The following MCOLN3 variants were observed in gnomAD, a reference collection of about 807,000 sequenced individuals.
The protein encoded by MCOLN3 is mucolipin-3.
In MCOLN3, 62 loss-of-function variants were observed where a neutral mutation model predicts 69.4. That is an observed-to-expected ratio of 0.89 (90% CI 0.73 to 1.10). The LOEUF is 1.10. MCOLN3 is among the 50% of genes least tolerant of loss of function. The pLI is 0.00. For missense variants in MCOLN3, 564 were observed against 656.4 expected, an observed-to-expected ratio of 0.86 and a Z score of 1.54; for synonymous variants, 183 against 217.0, an observed-to-expected ratio of 0.84 and a Z score of 1.38.
At chr1:85,042,009 A>C (rs911574636) in intron 2 of MCOLN3, among the ~76,000 whole-genome samples, 1 of 151,634 alleles carries the variant, frequency 6.6e-6, no homozygotes, top group Non-Finnish European at 1.5e-5. Flanking sequence ...ACACACACAC[A>C]CCACATGCTG....
intron 6 of MCOLN3, among the ~76,000 whole-genome samples, chr1:85,031,683 C>T (rs932826828): frequency 6.6e-6 from 1 of 152,158 alleles, no homozygotes; most frequent in East Asian, 1.9e-4. Context: ...GGGAGCTACA[C>T]ACAGAATGAA....
intron 1 of MCOLN3, 33 bp from the exon 2 acceptor site, chr1:85,045,395 A>G: frequency 6.6e-7 from 1 of 1,517,766 alleles, no homozygotes; most frequent in Non-Finnish European, 9.0e-7. Flanking sequence ...ACAACAACCA[A>G]CATTTCCATT....
intron 1 of MCOLN3, 86 bp from the exon 2 acceptor site, chr1:85,045,448 G>A (rs926401655): frequency 1.9e-6 from 2 of 1,069,608 alleles, no homozygotes; most frequent in African/African-American, 1.6e-5. Context: ...ATATTGCAAG[G>A]AGAAGCCCAT....
chr1:85,028,009 T>C (rs1274278713), intron 7 of MCOLN3, among the ~76,000 whole-genome samples: 2 of 152,204 alleles, frequency 1.3e-5, no homozygotes, highest in Non-Finnish European at 2.9e-5. Flanking sequence ...ATGTCTAAAT[T>C]GACTTTAGAG....
At chr1:85,041,743 G>A (rs1340208063) in intron 2 of MCOLN3, among the ~76,000 whole-genome samples, 3 of 152,070 alleles carry the variant, frequency 2.0e-5, no homozygotes, top group East Asian at 1.9e-4. Flanking sequence ...GGTGGCGCAT[G>A]CCTGTAATCC....
At chr1:85,034,296 C>T (rs781145577) in intron 3 of MCOLN3, 45 bp from the exon 4 acceptor site, 4 of 1,608,728 alleles carry the variant, frequency 2.5e-6, no homozygotes, top group South Asian at 1.1e-5. Flanking sequence ...CCAGCCAGGG[C>T]AGGAGTGAAG....
At chr1:85,036,731 G>A (rs1005051565) in intron 3 of MCOLN3, 2 of 151,918 alleles carry the variant, frequency 1.3e-5, no homozygotes, top group African/African-American at 4.8e-5. Flanking sequence ...CAGCTTCAGG[G>A]CCTTCTGTTG....
At chr1:85,045,913 C>T (rs1489838692) in intron 1 of MCOLN3, among the ~76,000 whole-genome samples, 1 of 152,194 alleles carries the variant, frequency 6.6e-6, no homozygotes, top group East Asian at 1.9e-4. Context: ...CTTGACGTTT[C>T]TGCAATCTCA....
chr1:85,027,732 A>G (rs1289724242), intron 7 of MCOLN3, among the ~76,000 whole-genome samples: 2 of 152,200 alleles, frequency 1.3e-5, no homozygotes, highest in Non-Finnish European at 1.5e-5. Flanking sequence ...CTGAGGGAGC[A>G]GGGGGTTTTA....
chr1:85,028,408 G>T (rs1652327357), intron 7 of MCOLN3, among the ~76,000 whole-genome samples: 3 of 152,112 alleles, frequency 2.0e-5, no homozygotes, highest in Admixed American at 2.0e-4. Flanking sequence ...AGGTACCCAG[G>T]ATGATTCTTC....
intron 12 of MCOLN3, among the ~76,000 whole-genome samples, chr1:85,020,560 A>T (rs1256833214): frequency 6.6e-6 from 1 of 152,270 alleles, no homozygotes; most frequent in African/African-American, 2.4e-5. Context: ...GCTACATGCT[A>T]GTACTGGACC....
At chr1:85,043,092 C>T (rs1356043991) in intron 2 of MCOLN3, among the ~76,000 whole-genome samples, 11 of 152,138 alleles carry the variant, frequency 7.2e-5, no homozygotes, top group Admixed American at 7.2e-4. Context: ...GAACATAAAT[C>T]TTAGAGAAAA....
chr1:85,020,248 G>C (rs1571082848), intron 12 of MCOLN3, among the ~76,000 whole-genome samples: 1 of 152,164 alleles, frequency 6.6e-6, no homozygotes, highest in South Asian at 2.1e-4. Context: ...TGAGGATGAA[G>C]TCACAGCCCT....
chr1:85,046,775 G>A (rs1248284914), intron 1 of MCOLN3, among the ~76,000 whole-genome samples: 2 of 152,166 alleles, frequency 1.3e-5, no homozygotes, highest in African/African-American at 4.8e-5. Flanking sequence ...TAAGGATACT[G>A]CTGGATGAAT....
intron 12 of MCOLN3, 92 bp from the exon 13 acceptor site, chr1:85,019,349 G>C: frequency 8.0e-7 from 1 of 1,256,364 alleles, no homozygotes; most frequent in Non-Finnish European, 1.1e-6. Flanking sequence ...GCAAGGGAGG[G>C]GGTTTTCTAG....
chr1:85,047,268 T>C (rs1414729693), intron 1 of MCOLN3: 1 of 152,044 alleles, frequency 6.6e-6, no homozygotes, highest in Non-Finnish European at 1.5e-5. Context: ...TCACAACGAG[T>C]TGTCCCGGTA....
intron 2 of MCOLN3, among the ~76,000 whole-genome samples, chr1:85,041,383 C>A (rs1242672203): frequency 1.3e-5 from 2 of 152,140 alleles, no homozygotes; most frequent in Non-Finnish European, 2.9e-5. Context: ...TCACCAAAAC[C>A]ATGACAGGAA....
At chr1:85,030,894 C>T (rs1357674196) in intron 6 of MCOLN3, among the ~76,000 whole-genome samples, 1 of 152,078 alleles carries the variant, frequency 6.6e-6, no homozygotes, top group Non-Finnish European at 1.5e-5. Context: ...CAAAGGAAGG[C>T]TTGGAATAGA....
intron 2 of MCOLN3, 151 bp downstream of exon 2, chr1:85,044,982 G>A (rs1345889178): frequency 5.9e-6 from 3 of 512,586 alleles, no homozygotes; most frequent in Non-Finnish European, 9.9e-6. Context: ...AAATGTTGAA[G>A]ACAGAAGGGT....
Sources: allele counts gnomAD v4.1 joint callset (sites outside exome capture counted in the v4.1 genomes callset), GRCh38; gene constraint gnomAD v4.1.1; transcripts MANE v1.5; gene names NCBI Gene and HGNC (gene_info 2026-07-23, HGNC 2026-07-21).